The following RHPN1 variants were observed in gnomAD, a reference collection of about 807,000 sequenced individuals.
RHPN1 encodes rhophilin-1.
In RHPN1, 77 loss-of-function variants were observed where a neutral mutation model predicts 74.7. The observed-to-expected ratio is 1.03, with a 90% CI of 0.86 to 1.25. The LOEUF is 1.25. Among genes scored for constraint, RHPN1 ranks in the 50% most tolerant of loss-of-function variants. RHPN1 has a pLI of 0.00. For synonymous variants in RHPN1, 444 were observed against 414.5 expected, an observed-to-expected ratio of 1.07 and a Z score of -0.87; for missense variants, 987 against 932.2, an observed-to-expected ratio of 1.06 and a Z score of -0.77.
At position 143,383,532 on chromosome 8, in the gene RHPN1, A is replaced by C. The variant is rs1224235559; in HGVS notation, c.*881A>C. 1 of 152,386 alleles carries C rather than the reference A, an allele frequency of 6.6e-6. No homozygotes were observed. Among genetic ancestry groups the C allele is most frequent in the Non-Finnish European group, 1.5e-5 (1 of 68,170 alleles). 9.4% of individuals were successfully genotyped at this position (152,386 alleles called of 1,614,324 possible). A position where few individuals can be genotyped will look rare whatever the true frequency, so the allele number is the denominator to read the frequency against. ...CTCCAGGCCTCCGTGTACTGGGTGG[A>C]CAATGGCCCCCAAAGGCCGTCGGCA... On this transcript the variant is annotated 3_prime_UTR_variant, in exon 15 of 15. Coordinates refer to ENST00000289013, the MANE Select transcript of RHPN1 (RefSeq NM_052924.3).
chr8:143,380,876 C>G, intron 11 of RHPN1, 93 bp downstream of exon 11: 5 of 1,038,914 alleles, frequency 4.8e-6, no homozygotes, highest in Non-Finnish European at 2.7e-6. Flanking sequence ...ATTAAAGATG[C>G]AGTCACCACG....
intron 1 of RHPN1, among the ~76,000 whole-genome samples, chr8:143,369,394 G>A (rs527277191): frequency 6.8e-4 from 104 of 152,200 alleles, no homozygotes; most frequent in Non-Finnish European, 1.2e-3. Flanking sequence ...TCCGGCACCT[G>A]TACAGCCTCC....
intron 10 of RHPN1, 175 bp downstream of exon 10, chr8:143,380,350 C>T (rs1195935573): frequency 3.0e-6 from 2 of 671,234 alleles, no homozygotes; most frequent in East Asian, 2.8e-5. Context: ...CGCAGGGGCC[C>T]CAGGAGTGCT....
At chr8:143,366,219 C>T (rs770884926), upstream of RHPN1, among the ~76,000 whole-genome samples, 10 of 152,052 alleles carry the variant, frequency 6.6e-5, no homozygotes, top group African/African-American at 2.4e-4. Context: ...CAAAAGGTCC[C>T]GGCGCTCACT....
At chr8:143,381,741 G>A in intron 13 of RHPN1, 23 bp downstream of exon 13, 2 of 1,606,414 alleles carry the variant, frequency 1.2e-6, no homozygotes, top group Non-Finnish European at 1.7e-6. Context: ...CCGGCCCCCT[G>A]AGGCTGAGTC....
In RHPN1 at chr8:143,379,031, G is replaced by T. The variant is rs1010379318; in HGVS notation, c.704G>T (p.Cys235Phe). Residue 235 changes from cysteine (C) to phenylalanine (F), a missense_variant, in exon 7 of 15, where the codon TGC (cysteine) becomes TTC (phenylalanine). Coordinates refer to ENST00000289013, the MANE Select transcript of RHPN1 (RefSeq NM_052924.3). ...TQIGARQDRSCTEGARRAMEA... is the reference protein window; with the variant it reads ...TQIGARQDRSFTEGARRAMEA... ...ATTGGGGCGCGCCAGGACCGCTCCT[G>T]CACCGAGGGTGCCCGCCGCGCTATG... The T allele has an allele frequency of 7.0e-5, 108 of 1,545,860 alleles. No homozygotes were observed. Among genetic ancestry groups the T allele is most frequent in the Non-Finnish European group, 9.2e-5 (105 of 1,145,274 alleles).
upstream of RHPN1, among the ~76,000 whole-genome samples, chr8:143,365,464 G>A (rs1817544954): frequency 6.6e-6 from 1 of 152,190 alleles, no homozygotes; most frequent in Non-Finnish European, 1.5e-5. Flanking sequence ...GCTTGACCGG[G>A]CTCTGCAGAT....
upstream of RHPN1, among the ~76,000 whole-genome samples, chr8:143,366,031 G>A (rs1817552471): frequency 6.6e-6 from 1 of 151,176 alleles, no homozygotes; most frequent in South Asian, 2.1e-4. Flanking sequence ...AGTCACAGTG[G>A]CTCACACCTA....
At position 143,377,444 on chromosome 8, in the gene RHPN1, A is replaced by G. The variant is rs770451922; in HGVS notation, c.370A>G (p.Thr124Ala). The change falls in exon 4 of 15, where the codon ACA (threonine) becomes GCA (alanine). Residue 124 changes from threonine to alanine, a missense_variant. By Grantham distance (58) the Thr-to-Ala change is moderately conservative. Coordinates refer to ENST00000289013, the MANE Select transcript of RHPN1 (RefSeq NM_052924.3). Reference protein sequence around the residue: ...LKETKELDWSTPLKELISVHF... With the variant: ...LKETKELDWSAPLKELISVHF... ...GGAGACCAAGGAGCTGGACTGGTCT[A>G]CACCGCTGAAGGTAGGTACTGGCCT... is the stretch of plus-strand genomic sequence containing the variant. The G allele has an allele frequency of 1.9e-5, 31 of 1,612,422 alleles. No individual in the cohort carries two copies. Among genetic ancestry groups the G allele is most frequent in the Non-Finnish European group, 2.5e-5 (29 of 1,178,788 alleles).
chr8:143,379,344 T>C lies in RHPN1; in HGVS notation c.781T>C (p.Ser261Pro). The part of the protein sequence containing the change: ...GAFSLLRENF[S>P]HAPSPDMSAA... ...CTTCAGCCTCCTGAGGGAGAACTTC[T>C]CCCATGCGCCGAGCCCAGACATGAG... Residue 261 changes from serine (S) to proline (P), a missense_variant, in exon 8 of 15, where the codon TCC becomes CCC. By Grantham distance (74) the Ser-to-Pro change is moderately conservative (BLOSUM62 -1). Coordinates refer to ENST00000289013, the MANE Select transcript of RHPN1 (RefSeq NM_052924.3). The C allele has an allele frequency of 1.3e-6, 2 of 1,599,450 alleles. No homozygotes were observed. Among genetic ancestry groups the C allele is most frequent in the Non-Finnish European group, 1.7e-6 (2 of 1,171,822 alleles).
At chr8:143,379,753 TGG>T (rs1356766250) in intron 8 of RHPN1, 74 bp from the exon 9 acceptor site, 1 of 1,515,068 alleles carries the variant, frequency 6.6e-7, no homozygotes, top group African/African-American at 1.4e-5. Flanking sequence ...TCGGAGCAGG[TGG>T]AGGCTGGGTA....
At position 143,374,056 on chromosome 8, in the gene RHPN1, C is replaced by T. The variant is rs1268581347; in HGVS notation, c.61-1497C>T. 1.9e-5 allele frequency: 18 copies of T among 934,422 alleles called. No homozygotes were observed. In the South Asian group the frequency reaches 7.4e-4, roughly 38 times the overall value. The allele number at this position is 934,422 out of a possible 1,614,324, so 57.9% of individuals were successfully genotyped here. A position where few individuals can be genotyped will look rare whatever the true frequency, so the allele number is the denominator to read the frequency against. ...AGGCCTTCTGTCTAGGAAATCAAACCTTTCTTGTATAATGGGAATAAACTA... is the reference window on the plus strand; with the variant it reads ...AGGCCTTCTGTCTAGGAAATCAAACTTTTCTTGTATAATGGGAATAAACTA... On this transcript the variant is annotated intron_variant, in intron 1 of 14. Transcript: ENST00000289013.
Position 143,376,455 on chromosome 8 carries a change from G to A in RHPN1, c.177-70G>A, listed in dbSNP as rs530277252. Reference sequence around the variant, plus strand: ...GCTTTGACAGGTCAGCTGGCAGGACGGCTGCAGTGGGCACGGGGCCTTTGG... The same window carrying A: ...GCTTTGACAGGTCAGCTGGCAGGACAGCTGCAGTGGGCACGGGGCCTTTGG... On this transcript the variant is annotated intron_variant, in intron 2 of 14. Coordinates refer to ENST00000289013, the MANE Select transcript of RHPN1 (RefSeq NM_052924.3). 85 of 1,582,120 alleles carry A rather than the reference G, an allele frequency of 5.4e-5. No individual in the cohort carries two copies. The Middle Eastern group carries it at 5.5e-4, about 10-fold the overall frequency.
chr8:143,378,356 T>TCCACC lies in RHPN1; in HGVS notation c.459+12_459+13insACCCC. The TCCACC allele has an allele frequency of 4.6e-6, 7 of 1,525,434 alleles. No homozygotes were observed. Among genetic ancestry groups the TCCACC allele is most frequent in the South Asian group, 2.4e-5 (2 of 83,564 alleles). 94.5% of individuals were successfully genotyped at this position (1,525,434 alleles called of 1,614,324 possible). ...GGAGGCCCTGCGGCAGGTGTGTGGTTCCCCCGCCCACCCACCCTCCTGCAG... is the reference window on the plus strand; with the variant it reads ...GGAGGCCCTGCGGCAGGTGTGTGGTTCCACCCCCCCGCCCACCCACCCTCCTGCAG... On this transcript the variant is annotated intron_variant, in intron 5 of 14. Coordinates refer to ENST00000289013, the MANE Select transcript of RHPN1 (RefSeq NM_052924.3).
At chr8:143,372,256 A>C (rs1343446844) in intron 1 of RHPN1, among the ~76,000 whole-genome samples, 1 of 147,396 alleles carries the variant, frequency 6.8e-6, no homozygotes, top group African/African-American at 2.5e-5. Context: ...TCTCCTAGGT[A>C]CTGGGCAGAG....
Position 143,382,597 on chromosome 8 carries a change from T to C in RHPN1, c.1959T>C (p.Cys653=). Reference sequence around the variant, plus strand: ...AGACTGGAGGCTGCCCCCAGCCCTGTGCCCCAGTGAAGCCAGCTCCGCCCT... The same window carrying C: ...AGACTGGAGGCTGCCCCCAGCCCTGCGCCCCAGTGAAGCCAGCTCCGCCCT... ...QGKTGGCPQP[C]APVKPAPPSS... is the part of the protein sequence containing the mutation. The change falls in exon 15 of 15, where the codon TGT becomes TGC. Residue 653 remains cysteine (C), a synonymous_variant. Transcript: ENST00000289013. 6.2e-7 allele frequency: 1 copy of C among 1,610,994 alleles called. No homozygotes were observed. The highest frequency in any genetic ancestry group is 8.5e-7 in the Non-Finnish European group (1 of 1,179,716).
At chr8:143,375,452 G>A (rs909164094) in intron 1 of RHPN1, 101 bp from the exon 2 acceptor site, 6 of 743,522 alleles carry the variant, frequency 8.1e-6, no homozygotes, top group South Asian at 2.0e-5. Context: ...TGACCATCCC[G>A]TTACCCATGG....
chr8:143,374,122 G>T (rs1467513000), intron 1 of RHPN1: 1 of 985,114 alleles, frequency 1.0e-6, no homozygotes, highest in African/African-American at 1.7e-5. Context: ...TTAGCAAAAA[G>T]AACTCTCTCC....
Position 143,382,641 on chromosome 8 carries a change from G to C in RHPN1, c.2003G>C (p.Gly668Ala). 1 of 1,609,380 alleles carries C rather than the reference G, an allele frequency of 6.2e-7. No individual in the cohort carries two copies. Among genetic ancestry groups the C allele is most frequent in the Non-Finnish European group, 8.5e-7 (1 of 1,179,510 alleles). Reference sequence around the variant, plus strand: ...CCGCCCTCATCCTTGAAGCACCCAGGGTGGCCGTGAGGGCCAGGATCCCTG... The same window carrying C: ...CCGCCCTCATCCTTGAAGCACCCAGCGTGGCCGTGAGGGCCAGGATCCCTG... ...PAPPSSLKHPGWP is the reference protein window; with the variant it reads ...PAPPSSLKHPAWP The change falls in exon 15 of 15, where the codon GGG (glycine) becomes GCG (alanine). Residue 668 changes from glycine (G) to alanine (A), a missense_variant. Coordinates refer to ENST00000289013, the MANE Select transcript of RHPN1 (RefSeq NM_052924.3).
Sources: gnomAD v4.1 joint callset for allele counts (sites outside exome capture counted in the v4.1 genomes callset) on GRCh38, gnomAD v4.1.1 for gene constraint, MANE v1.5 for transcripts, NCBI Gene and HGNC (gene_info 2026-07-23, HGNC 2026-07-21) for gene names.